Variants in CPNE4 observed in about 807,000 individuals in gnomAD.
The protein encoded by CPNE4 is copine 4, also known as copine-4.
Under a neutral mutation model 67.9 loss-of-function variants are expected in CPNE4, and 25 were observed. That is an observed-to-expected ratio of 0.37 (90% confidence interval 0.27 to 0.51). The LOEUF is 0.51. Ranked by LOEUF, CPNE4 falls within the 20% of genes least tolerant of loss-of-function variation. The probability of loss-of-function intolerance (pLI) is 0.93; values close to 1 mark genes in which losing one functional copy is unlikely to be tolerated. For missense variants in CPNE4, 464 were observed against 690.8 expected (o/e 0.67, Z 3.68); for synonymous variants, 242 against 244.9 (o/e 0.99, Z 0.11).
At chr3:131,884,882 A>G (rs2087818974) in intron 2 of CPNE4, among the ~76,000 whole-genome samples, 1 of 152,218 alleles carries the variant, frequency 6.6e-6, no homozygotes, top group South Asian at 2.1e-4. Context: ...ATGGAACTGT[A>G]AGTCCAATTA....
At chr3:131,844,536 C>G (rs945630363) in intron 2 of CPNE4, among the ~76,000 whole-genome samples, 2 of 152,026 alleles carry the variant, frequency 1.3e-5, no homozygotes, top group African/African-American at 4.8e-5. Flanking sequence ...CCAAAATGCT[C>G]AGTCACCACG....
chr3:131,546,599 GT>G (rs1177691622), intron 14 of CPNE4, among the ~76,000 whole-genome samples: 1 of 152,174 alleles, frequency 6.6e-6, no homozygotes, highest in East Asian at 1.9e-4. Context: ...AGATGTGTGG[GT>G]TGGATGCTTC....
At chr3:131,547,496 A>AAAAAAAAAAAAC (rs1935934737) in intron 14 of CPNE4, among the ~76,000 whole-genome samples, 3 of 108,548 alleles carry the variant, frequency 2.8e-5, no homozygotes, top group Non-Finnish European at 3.8e-5. Context: ...AAAAAAAAAA[A>AAAAAAAAAAAAC]AAAAACCTAA....
In CPNE4 at chr3:131,650,744, C is replaced by CAAAAAA. The variant is rs141219633; in HGVS notation, c.681+18925_681+18930dup. ...TGGGGGACAGAGCAAGACTCCGTCTCAAAAAAAAAAAAAAAAAAAAAAAAA... is the reference window on the plus strand; with the variant it reads ...TGGGGGACAGAGCAAGACTCCGTCTCAAAAAAAAAAAAAAAAAAAAAAAAAAAAAAA... On this transcript the variant is annotated intron_variant, in intron 7 of 15. Transcript: ENST00000429747. 7.7e-4 allele frequency among the ~76,000 whole-genome samples: 47 copies of CAAAAAA among 61,196 alleles called. 1 individual carries two copies. Among genetic ancestry groups the CAAAAAA allele is most frequent in the African/African-American group, 3.3e-3 (38 of 11,526 alleles). 40.1% of individuals were successfully genotyped at this position (61,196 alleles called of 152,430 possible). A position where few individuals can be genotyped will look rare whatever the true frequency, so the allele number is the denominator to read the frequency against.
At chr3:131,851,940 T>A (rs1273331165) in intron 2 of CPNE4, among the ~76,000 whole-genome samples, 1 of 152,010 alleles carries the variant, frequency 6.6e-6, no homozygotes, top group African/African-American at 2.4e-5. Flanking sequence ...CGCACAGTCT[T>A]ATGAATGACC....
At chr3:131,753,478 CGACA>C (rs1239784219) in intron 2 of CPNE4, among the ~76,000 whole-genome samples, 9 of 151,840 alleles carry the variant, frequency 5.9e-5, no homozygotes, top group Admixed American at 2.6e-4. Context: ...TAATGAAAGT[CGACA>C]GACAAATGAT....
rs1402913703 is a variant in CPNE4 at position 131,543,104 on chromosome 3, C to T, written c.1303-311G>A. On this transcript the variant is annotated intron_variant, in intron 14 of 15. Transcript: ENST00000429747. ...CATTCTGTGAGACCCTGGGACGATC[C>T]CTTAACTCGTCTGTGTCTGAGCTTC... 1.6e-5 allele frequency: 4 copies of T among 252,940 alleles called. No homozygotes were observed. The East Asian group carries it at 2.5e-4, about 16-fold the overall frequency. 15.7% of individuals were successfully genotyped at this position (252,940 alleles called of 1,614,324 possible).
chr3:131,959,162 G>A lies in CPNE4; in HGVS notation c.-1-53718C>T, dbSNP rs1233233. Among the ~76,000 whole-genome samples the A allele has an allele frequency of 6.0e-5, 3 of 49,952 alleles. 1 individual carries two copies. Among genetic ancestry groups the A allele is most frequent in the South Asian group, 1.1e-3 (2 of 1,804 alleles). 32.8% of individuals were successfully genotyped at this position (49,952 alleles called of 152,430 possible). On this transcript the variant is annotated intron_variant, in intron 1 of 15. Transcript: ENST00000429747. ...ACTACAGGCGCCCGCCACTACGCCC[G>A]GCTAATTTTTTGTATTTTTAGTAGA...
intron 7 of CPNE4, among the ~76,000 whole-genome samples, chr3:131,589,641 C>G (rs1367673621): frequency 6.6e-6 from 1 of 152,228 alleles, no homozygotes. Flanking sequence ...CTCACACTTA[C>G]AGTCTTTGAA....
Position 131,685,850 on chromosome 3 carries a change from G to GT in CPNE4, c.591+24_591+25insA, listed in dbSNP as rs765196473. On this transcript the variant is annotated intron_variant, in intron 6 of 15. Coordinates refer to ENST00000429747, the MANE Select transcript of CPNE4 (RefSeq NM_130808.3). ...TTTATCATCATCTTAGGAGATAAGAGGGCATAGCTGAAGATGACTCTTACC... is the reference window on the plus strand; with the variant it reads ...TTTATCATCATCTTAGGAGATAAGAGTGGCATAGCTGAAGATGACTCTTACC... 1.9e-5 allele frequency: 28 copies of GT among 1,469,642 alleles called. No individual in the cohort carries two copies. In the African/African-American group the frequency reaches 2.0e-4, roughly 10 times the overall value. The allele number at this position is 1,469,642 out of a possible 1,614,324, so 91.0% of individuals were successfully genotyped here.
intron 14 of CPNE4, among the ~76,000 whole-genome samples, chr3:131,547,663 A>C (rs1935945603): frequency 1.3e-5 from 2 of 152,032 alleles, no homozygotes; most frequent in Admixed American, 6.6e-5. Flanking sequence ...CCCAGCATAA[A>C]GGCTAATATA....
chr3:131,792,028 A>G lies in CPNE4; in HGVS notation c.181-68403T>C, dbSNP rs1034902239. ...TGCATCAGAATTTAAGGAAACTAGG[A>G]CCAGAAAATGCCTATGTATTTCCTG... On this transcript the variant is annotated intron_variant, in intron 2 of 15. Transcript: ENST00000429747. 5.1e-4 allele frequency among the ~76,000 whole-genome samples: 77 copies of G among 152,088 alleles called. 1 individual carries two copies. Among genetic ancestry groups the G allele is most frequent in the African/African-American group, 1.7e-3 (72 of 41,388 alleles).
At chr3:131,634,290 T>C (rs910993577) in intron 7 of CPNE4, among the ~76,000 whole-genome samples, 6 of 152,190 alleles carry the variant, frequency 3.9e-5, no homozygotes, top group African/African-American at 1.4e-4. Flanking sequence ...ACTGACTTAA[T>C]AAGTTTATAA....
intron 2 of CPNE4, among the ~76,000 whole-genome samples, chr3:131,849,053 C>T (rs1232209588): frequency 6.7e-6 from 1 of 150,100 alleles, no homozygotes; most frequent in South Asian, 2.1e-4. Flanking sequence ...AAATACATTT[C>T]CTCAGGGAAC....
At chr3:131,942,258 A>G (rs1301388276) in intron 1 of CPNE4, among the ~76,000 whole-genome samples, 2 of 152,084 alleles carry the variant, frequency 1.3e-5, no homozygotes, top group African/African-American at 4.8e-5. Flanking sequence ...TGTGTAATTT[A>G]TAATTTAAAA....
At chr3:131,554,415 AT>A (rs1936352509) in intron 12 of CPNE4, among the ~76,000 whole-genome samples, 1 of 152,082 alleles carries the variant, frequency 6.6e-6, no homozygotes, top group African/African-American at 2.4e-5. Flanking sequence ...AATAATGTCT[AT>A]AGGCCACCAG....
intron 8 of CPNE4, among the ~76,000 whole-genome samples, chr3:131,583,158 T>C (rs75262367): frequency 0.036 from 5,552 of 152,262 alleles, 305 homozygotes; most frequent in African/African-American, 0.12. Flanking sequence ...AAGCAGAATC[T>C]AAAATCAGAC....
At position 131,801,355 on chromosome 3, in the gene CPNE4, C is replaced by CAT. The variant is rs756282116; in HGVS notation, c.181-77732_181-77731dup. ...ACCATACATATATATATATATGTAC[C>CAT]ATATATATATATGTACCATATATAT... On this transcript the variant is annotated intron_variant, in intron 2 of 15. Transcript: ENST00000429747. Among the ~76,000 whole-genome samples the CAT allele has an allele frequency of 7.4e-3, 660 of 89,762 alleles. 13 individuals are homozygous for CAT. Among genetic ancestry groups the CAT allele is most frequent in the African/African-American group, 0.016 (483 of 29,516 alleles). The allele number at this position is 89,762 out of a possible 152,430, so 58.9% of individuals were successfully genotyped here. A position where few individuals can be genotyped will look rare whatever the true frequency, so the allele number is the denominator to read the frequency against.
chr3:131,824,422 T>C (rs2085078393), intron 2 of CPNE4, among the ~76,000 whole-genome samples: 3 of 152,236 alleles, frequency 2.0e-5, no homozygotes, highest in Non-Finnish European at 2.9e-5. Context: ...GACGGAATTT[T>C]TTATGGTACA....
Sources: allele counts gnomAD v4.1 joint callset (sites outside exome capture counted in the v4.1 genomes callset), GRCh38; gene constraint gnomAD v4.1.1; transcripts MANE v1.5; gene names NCBI Gene and HGNC (gene_info 2026-07-23, HGNC 2026-07-21).